The following CDK14 variants were observed in gnomAD, a reference collection of about 807,000 sequenced individuals.
The protein encoded by CDK14 is cyclin dependent kinase 14.
A neutral mutation model predicts 60.7 loss-of-function variants in CDK14; 34 were observed. That is an observed-to-expected ratio of 0.56 (90% CI 0.43 to 0.75). CDK14 has a LOEUF of 0.75. Ranked by LOEUF, CDK14 falls within the 30% of genes least tolerant of loss-of-function variation. The pLI is 0.00. For synonymous variants in CDK14, 197 were observed against 203.7 expected (o/e 0.97, Z 0.28); for missense variants, 482 against 564.1 (o/e 0.85, Z 1.47).
chr7:90,679,746 A>G (rs1801277196), intron 2 of CDK14, among the ~76,000 whole-genome samples: 3 of 152,232 alleles, frequency 2.0e-5, no homozygotes, highest in Non-Finnish European at 4.4e-5. Context: ...TAGCAAATCA[A>G]TCAATTTTTG....
chr7:90,623,038 A>G (rs960589272), intron 2 of CDK14, among the ~76,000 whole-genome samples: 5 of 150,518 alleles, frequency 3.3e-5, no homozygotes, highest in African/African-American at 4.9e-5. Flanking sequence ...TATTAATGTA[A>G]TAGCATGCCA....
At chr7:91,033,685 A>C (rs1796829779) in intron 10 of CDK14, among the ~76,000 whole-genome samples, 1 of 152,286 alleles carries the variant, frequency 6.6e-6, no homozygotes, top group East Asian at 1.9e-4. Flanking sequence ...GCACAGTTTC[A>C]GGCAGTCAGG....
intron 14 of CDK14, among the ~76,000 whole-genome samples, chr7:91,180,461 C>T (rs10279365): frequency 0.032 from 4,928 of 151,992 alleles, 257 homozygotes; most frequent in African/African-American, 0.11. Flanking sequence ...ATCTCTGTAA[C>T]GCAAGTATAC....
chr7:91,195,379 A>G (rs1802502184), intron 14 of CDK14, among the ~76,000 whole-genome samples: 1 of 152,190 alleles, frequency 6.6e-6, no homozygotes, highest in Non-Finnish European at 1.5e-5. Flanking sequence ...TTAATAATGT[A>G]TATTTTTTCC....
chr7:91,062,620 A>T (rs1446998495), intron 11 of CDK14, among the ~76,000 whole-genome samples: 1 of 152,188 alleles, frequency 6.6e-6, no homozygotes, highest in Non-Finnish European at 1.5e-5. Context: ...TGATGATGCT[A>T]GTTTGCATTG....
intron 5 of CDK14, among the ~76,000 whole-genome samples, chr7:90,857,788 T>C (rs1008513002): frequency 6.6e-6 from 1 of 152,176 alleles, no homozygotes; most frequent in African/African-American, 2.4e-5. Flanking sequence ...TCCCTTGCCT[T>C]GCTAACAGCA....
chr7:90,890,796 G>C (rs1792096609), intron 6 of CDK14, among the ~76,000 whole-genome samples: 2 of 152,148 alleles, frequency 1.3e-5, no homozygotes. Context: ...AAGAAAGGAG[G>C]GTTCAGCTTC....
rs1802972437 is a variant in CDK14 at position 91,208,530 on chromosome 7, A to G, written c.*1394A>G. On this transcript the variant is annotated 3_prime_UTR_variant, in exon 15 of 15. Coordinates refer to ENST00000380050, the MANE Select transcript of CDK14 (RefSeq NM_001287135.2). Reference sequence around the variant, plus strand: ...CTAGCTCCTCTACACACAAATTCCTATGGAAATACCTTTGTGTACAGTGTC... The same window carrying G: ...CTAGCTCCTCTACACACAAATTCCTGTGGAAATACCTTTGTGTACAGTGTC... 1 of 152,256 alleles carries G rather than the reference A, an allele frequency of 6.6e-6. No homozygotes were observed. The highest frequency in any genetic ancestry group is 1.5e-5 in the Non-Finnish European group (1 of 68,042). The allele number at this position is 152,256 out of a possible 1,614,324, so 9.4% of individuals were successfully genotyped here.
At chr7:90,787,690 A>G (rs1805657294) in intron 4 of CDK14, among the ~76,000 whole-genome samples, 1 of 152,184 alleles carries the variant, frequency 6.6e-6, no homozygotes, top group African/African-American at 2.4e-5. Flanking sequence ...GGTGTAGTAT[A>G]TATTTTAAGG....
intron 9 of CDK14, chr7:90,979,928 A>G (rs1270392004): frequency 6.6e-6 from 1 of 151,538 alleles, no homozygotes; most frequent in African/African-American, 2.4e-5. Context: ...CTTTTGACTG[A>G]TTTGCTCATT....
At chr7:91,179,787 A>G (rs1229227390) in intron 14 of CDK14, among the ~76,000 whole-genome samples, 1 of 151,970 alleles carries the variant, frequency 6.6e-6, no homozygotes, top group Non-Finnish European at 1.5e-5. Flanking sequence ...TGGGCGACAG[A>G]GCGAGACTCC....
intron 2 of CDK14, among the ~76,000 whole-genome samples, chr7:90,638,650 T>C (rs981909633): frequency 2.0e-5 from 3 of 152,234 alleles, no homozygotes; most frequent in African/African-American, 4.8e-5. Flanking sequence ...TGGCGTTCTC[T>C]GTATTTCCTG....
intron 5 of CDK14, among the ~76,000 whole-genome samples, chr7:90,809,962 G>T (rs548709820): frequency 6.6e-6 from 1 of 152,088 alleles, no homozygotes; most frequent in Admixed American, 6.6e-5. Flanking sequence ...AGGCTCTGAA[G>T]TTCAGTCAAT....
intron 11 of CDK14, among the ~76,000 whole-genome samples, chr7:91,052,086 T>G (rs1204849158): frequency 6.6e-6 from 1 of 152,192 alleles, no homozygotes; most frequent in Non-Finnish European, 1.5e-5. Context: ...GCTTTGTAAT[T>G]TCTAGCTGTC....
chr7:90,965,850 A>T (rs1302163424), intron 9 of CDK14, among the ~76,000 whole-genome samples: 5 of 152,020 alleles, frequency 3.3e-5, no homozygotes. Context: ...ATTTCCCTAG[A>T]GCTTCTGGTA....
intron 2 of CDK14, among the ~76,000 whole-genome samples, chr7:90,614,366 C>G (rs983438364): frequency 6.6e-5 from 10 of 152,186 alleles, no homozygotes; most frequent in Non-Finnish European, 1.2e-4. Context: ...GGCATAATTA[C>G]AAGATATTGG....
At chr7:90,862,416 A>G (rs1791038537) in intron 5 of CDK14, among the ~76,000 whole-genome samples, 1 of 152,190 alleles carries the variant, frequency 6.6e-6, no homozygotes, top group Admixed American at 6.5e-5. Flanking sequence ...AGGAGTAAAG[A>G]GGACATTACT....
chr7:90,931,262 C>A (rs1793583113), intron 8 of CDK14, among the ~76,000 whole-genome samples: 1 of 152,292 alleles, frequency 6.6e-6, no homozygotes, highest in East Asian at 1.9e-4. Flanking sequence ...CTTTGAATCA[C>A]TGAGTGCCAG....
chr7:90,885,279 T>C (rs1791905474), intron 6 of CDK14, among the ~76,000 whole-genome samples: 1 of 151,984 alleles, frequency 6.6e-6, no homozygotes, highest in African/African-American at 2.4e-5. Flanking sequence ...GCAAAGGATA[T>C]GAACACTTCT....
Sources: allele counts gnomAD v4.1 joint callset (sites outside exome capture counted in the v4.1 genomes callset), GRCh38; gene constraint gnomAD v4.1.1; transcripts MANE v1.5; gene names NCBI Gene and HGNC (gene_info 2026-07-23, HGNC 2026-07-21).